The following OPHN1 variants were observed in gnomAD, a reference collection of about 807,000 sequenced individuals.
OPHN1 encodes oligophrenin 1, also known as oligophrenin-1.
A neutral mutation model predicts 60.7 loss-of-function variants in OPHN1; 11 were observed. The ratio of observed to expected loss-of-function variants is 0.18; its 90% CI spans 0.11 to 0.30. OPHN1 has a LOEUF of 0.30. Ranked by LOEUF, OPHN1 falls within the 10% of genes least tolerant of loss-of-function variation. The probability of loss-of-function intolerance (pLI) is 1.00; values close to 1 mark genes in which losing one functional copy is unlikely to be tolerated. For missense variants in OPHN1, 449 were observed against 611.0 expected (o/e 0.73, Z 2.80); for synonymous variants, 226 against 222.6 (o/e 1.02, Z -0.14).
At chrX:68,105,722 G>A (rs2077078709) in intron 18 of OPHN1, among the ~76,000 whole-genome samples, 1 of 109,292 alleles carries the variant, frequency 9.1e-6, no homozygotes, top group Admixed American at 9.8e-5. Context: ...TGGGTTGATG[G>A]GTGCAGCAAA....
intron 18 of OPHN1, among the ~76,000 whole-genome samples, chrX:68,103,222 C>T (rs2077067158): frequency 8.9e-6 from 1 of 112,100 alleles, no homozygotes; most frequent in South Asian, 3.7e-4. Context: ...GGTGGTTCAA[C>T]ATATGCAAAT....
chrX:68,296,923 C>T (rs1200389068), intron 3 of OPHN1, among the ~76,000 whole-genome samples: 2 of 111,188 alleles, frequency 1.8e-5, no homozygotes, highest in Non-Finnish European at 3.8e-5. Flanking sequence ...AGTCATTTTG[C>T]CCAGGCTCAC....
chrX:68,378,235 A>G (rs1699922755), intron 2 of OPHN1, among the ~76,000 whole-genome samples: 1 of 112,326 alleles, frequency 8.9e-6, no homozygotes, highest in East Asian at 2.8e-4. Flanking sequence ...TCTTCTTTTG[A>G]GAAGTGTCTG....
chrX:68,048,954 G>A (rs898080403), intron 23 of OPHN1, among the ~76,000 whole-genome samples: 2 of 111,617 alleles, frequency 1.8e-5, no homozygotes, highest in Admixed American at 1.9e-4. Flanking sequence ...TGTGGCCAGA[G>A]CATTACGTAC....
intron 2 of OPHN1, among the ~76,000 whole-genome samples, chrX:68,341,270 G>A (rs909306522): frequency 9.4e-6 from 1 of 106,376 alleles, no homozygotes; most frequent in Non-Finnish European, 1.9e-5. Context: ...GAAAATAGAA[G>A]AAGATAACCA....
intron 6 of OPHN1, among the ~76,000 whole-genome samples, chrX:68,217,373 G>C (rs2077617904): frequency 8.9e-6 from 1 of 111,868 alleles, no homozygotes; most frequent in Non-Finnish European, 1.9e-5. Context: ...CCATTGCCCA[G>C]GCTTGCATAG....
At chrX:68,217,528 T>C (rs1462548851) in intron 6 of OPHN1, among the ~76,000 whole-genome samples, 1 of 110,401 alleles carries the variant, frequency 9.1e-6, no homozygotes, top group Non-Finnish European at 1.9e-5. Flanking sequence ...TAAATGTCCC[T>C]GTCTGACAGC....
chrX:68,325,604 C>T (rs771860779), intron 2 of OPHN1, among the ~76,000 whole-genome samples: 5 of 55,605 alleles, frequency 9.0e-5, no homozygotes, highest in Non-Finnish European at 1.4e-4. Context: ...ACCACAGTCT[C>T]CCTCTCCCTC....
At chrX:68,212,586 A>C (rs1299061856) in intron 7 of OPHN1, among the ~76,000 whole-genome samples, 1 of 111,789 alleles carries the variant, frequency 8.9e-6, no homozygotes, top group Non-Finnish European at 1.9e-5. Context: ...GTCTCAAAAA[A>C]ACAAAAAACA....
intron 15 of OPHN1, among the ~76,000 whole-genome samples, chrX:68,169,762 C>T (rs1346847622): frequency 1.9e-5 from 2 of 105,923 alleles, no homozygotes; most frequent in East Asian, 2.9e-4. Flanking sequence ...CTTCCTTACA[C>T]CTTATACAAA....
chrX:68,375,862 TG>T (rs758181855), intron 2 of OPHN1, among the ~76,000 whole-genome samples: 2 of 111,253 alleles, frequency 1.8e-5, no homozygotes, highest in African/African-American at 3.3e-5. Flanking sequence ...ATGAGAAAAC[TG>T]AGGCACAGAG....
At chrX:68,164,857 G>A (rs1305766278) in intron 15 of OPHN1, among the ~76,000 whole-genome samples, 1 of 112,041 alleles carries the variant, frequency 8.9e-6, no homozygotes, top group Non-Finnish European at 1.9e-5. Context: ...AATGATCTTA[G>A]CTACACCTTC....
At chrX:68,383,598 GAA>G (rs10591078) in intron 2 of OPHN1, among the ~76,000 whole-genome samples, 7 of 22,358 alleles carry the variant, frequency 3.1e-4, no homozygotes, top group African/African-American at 1.2e-3. Flanking sequence ...CTCCATCCCA[GAA>G]AAAAAAAAAA....
chrX:68,411,929 C>T (rs944554516), intron 2 of OPHN1, among the ~76,000 whole-genome samples: 3 of 111,343 alleles, frequency 2.7e-5, no homozygotes, highest in African/African-American at 9.8e-5. Context: ...CTTGAGGTTA[C>T]AGAAAGAATG....
intron 2 of OPHN1, among the ~76,000 whole-genome samples, chrX:68,423,675 C>T (rs993381595): frequency 9.0e-6 from 1 of 111,689 alleles, no homozygotes; most frequent in Non-Finnish European, 1.9e-5. Flanking sequence ...GAATCATGAA[C>T]AATAGGTAGT....
At chrX:68,397,938 C>T (rs2078694440) in intron 2 of OPHN1, among the ~76,000 whole-genome samples, 1 of 110,791 alleles carries the variant, frequency 9.0e-6, no homozygotes, top group Non-Finnish European at 1.9e-5. Flanking sequence ...TCAGATTAGG[C>T]TCCTCCCATC....
chrX:68,338,946 C>G (rs2078337087), intron 2 of OPHN1, among the ~76,000 whole-genome samples: 1 of 107,770 alleles, frequency 9.3e-6, no homozygotes, highest in African/African-American at 3.4e-5. Flanking sequence ...GGCATGGTGG[C>G]ACAAGCTTGT....
At chrX:68,114,796 G>C (rs2147435515) in intron 16 of OPHN1, among the ~76,000 whole-genome samples, 1 of 111,538 alleles carries the variant, frequency 9.0e-6, no homozygotes, top group East Asian at 2.8e-4. Flanking sequence ...TGAGGAGACT[G>C]TTTTGAAAAA....
chrX:68,093,097 T>C (rs778901216), intron 19 of OPHN1, among the ~76,000 whole-genome samples: 6 of 111,223 alleles, frequency 5.4e-5, no homozygotes, highest in Non-Finnish European at 1.1e-4. Flanking sequence ...TGGATGACCC[T>C]TCAGCAACTC....
Sources: allele counts gnomAD v4.1 joint callset (sites outside exome capture counted in the v4.1 genomes callset), GRCh38; gene constraint gnomAD v4.1.1; transcripts MANE v1.5; gene names NCBI Gene and HGNC (gene_info 2026-07-23, HGNC 2026-07-21).